Variants in BET1 observed in about 807,000 individuals in gnomAD.
BET1 encodes BET1 homolog.
Under a neutral mutation model 13.9 loss-of-function variants are expected in BET1, and 9 were observed. The ratio of observed to expected loss-of-function variants is 0.65; its 90% CI spans 0.39 to 1.13. BET1 has a LOEUF of 1.13. Among genes scored for constraint, BET1 ranks in the 50% most tolerant of loss-of-function variants. The pLI is 0.01. For synonymous variants in BET1, 39 were observed against 47.3 expected (o/e 0.82, Z 0.72); for missense variants, 127 against 133.6 (o/e 0.95, Z 0.24).
At chr7:93,973,847 A>T (rs1584125971) in intron 5 of BET1, among the ~76,000 whole-genome samples, 1 of 152,090 alleles carries the variant, frequency 6.6e-6, no homozygotes, top group South Asian at 2.1e-4. Context: ...AAATGTATCT[A>T]ACTGTATTAA....
intron 4 of BET1, among the ~76,000 whole-genome samples, chr7:93,986,062 G>T (rs889326614): frequency 2.6e-5 from 4 of 152,060 alleles, no homozygotes; most frequent in African/African-American, 9.7e-5. Flanking sequence ...AAAGTTAATG[G>T]TTAGAAATAA....
intron 4 of BET1, chr7:93,987,183 T>G (rs1213573865): frequency 6.6e-6 from 1 of 152,046 alleles, no homozygotes; most frequent in Non-Finnish European, 1.5e-5. Context: ...TCGACTTGGG[T>G]CAGAGATACT....
intron 4 of BET1, among the ~76,000 whole-genome samples, chr7:93,978,603 T>C (rs1222295201): frequency 1.3e-5 from 2 of 152,228 alleles, no homozygotes; most frequent in Non-Finnish European, 2.9e-5. Flanking sequence ...GCTTCCTTTT[T>C]CTATTTAATA....
chr7:93,965,198 G>A (rs1795154819), exon 7 of BET1: 2 of 152,020 alleles, frequency 1.3e-5, no homozygotes, highest in Non-Finnish European at 2.9e-5. Context: ...TGTACTTTGA[G>A]GAATTACAGA....
At chr7:93,992,996 C>A, downstream of BET1, 11 of 985,106 alleles carry the variant, frequency 1.1e-5, no homozygotes, top group South Asian at 4.7e-5. Flanking sequence ...AAAAATAGAA[C>A]CCAAACTGAC....
chr7:94,002,375 G>T (rs1795924997), intron 1 of BET1, among the ~76,000 whole-genome samples: 1 of 147,274 alleles, frequency 6.8e-6, no homozygotes. Context: ...AAAAGCCTTT[G>T]TCACTTCACA....
intron 4 of BET1, among the ~76,000 whole-genome samples, chr7:93,981,449 G>C (rs930109910): frequency 6.6e-6 from 1 of 152,174 alleles, no homozygotes; most frequent in Non-Finnish European, 1.5e-5. Context: ...TCCAAGTACT[G>C]TTTTGGCCCA....
At chr7:93,984,658 A>T (rs1001637080) in intron 4 of BET1, among the ~76,000 whole-genome samples, 4 of 152,176 alleles carry the variant, frequency 2.6e-5, no homozygotes, top group Non-Finnish European at 5.9e-5. Flanking sequence ...CAGTATGCCT[A>T]CTTGTATAAT....
intron 2 of BET1, among the ~76,000 whole-genome samples, chr7:93,998,012 G>A (rs749615365): frequency 7.2e-5 from 11 of 152,094 alleles, no homozygotes; most frequent in Admixed American, 3.9e-4. Context: ...GAAGTGGGGC[G>A]GATGTGGATA....
At chr7:93,991,847 T>A (rs1795643637), downstream of BET1, 1 of 970,616 alleles carries the variant, frequency 1.0e-6, no homozygotes, top group Non-Finnish European at 1.2e-6. Context: ...ATTGACTGCA[T>A]AAACCCAAAT....
chr7:94,004,246 T>C lies in BET1; in HGVS notation c.-30A>G. The C allele has an allele frequency of 3.1e-6, 5 of 1,613,808 alleles. No individual in the cohort carries two copies. The highest frequency in any genetic ancestry group is 4.2e-6 in the Non-Finnish European group (5 of 1,179,954). Reference sequence around the variant, plus strand: ...CCAGAGGAGAGAGAGAAAAGGCGGGTGCGGGGCTTTGGGTGAGTAGGAAAC... The same window carrying C: ...CCAGAGGAGAGAGAGAAAAGGCGGGCGCGGGGCTTTGGGTGAGTAGGAAAC... On this transcript the variant is annotated 5_prime_UTR_variant, in exon 1 of 4. Transcript: ENST00000222547.
At chr7:93,986,056 T>C (rs1795523346) in intron 4 of BET1, among the ~76,000 whole-genome samples, 1 of 152,146 alleles carries the variant, frequency 6.6e-6, no homozygotes, top group African/African-American at 2.4e-5. Context: ...TCAGCTAAAG[T>C]TAATGGTTAG....
intron 4 of BET1, among the ~76,000 whole-genome samples, chr7:93,982,777 A>G (rs1361056513): frequency 6.6e-6 from 1 of 152,166 alleles, no homozygotes; most frequent in Non-Finnish European, 1.5e-5. Flanking sequence ...TTCTGAACAA[A>G]TAATACAGAA....
exon 5 of BET1, chr7:93,975,953 C>T: frequency 8.0e-7 from 1 of 1,252,072 alleles, no homozygotes; most frequent in Non-Finnish European, 1.0e-6. Context: ...TTTGACATGT[C>T]ATGATATAAT....
In BET1 at chr7:94,004,099, G is replaced by A. The variant is rs1250025796; in HGVS notation, c.19+99C>T. The A allele has an allele frequency of 4.5e-6, 7 of 1,563,086 alleles. No individual in the cohort carries two copies. In the Admixed American group the frequency reaches 1.2e-4, roughly 27 times the overall value. On this transcript the variant is annotated intron_variant, in intron 1 of 3. Transcript: ENST00000222547. ...TCCCCTCTAGACATCCTGTTTTTTGGACCAAATGCCAGGAACATAAGACAG... is the reference window on the plus strand; with the variant it reads ...TCCCCTCTAGACATCCTGTTTTTTGAACCAAATGCCAGGAACATAAGACAG...
rs1795163775 is a variant in BET1, at chr7:93,965,845, AATATTTCTGGTGGATAGTGATAAGAAAAC to A, written c.*138-187_*138-159del. 1.3e-5 allele frequency among the ~76,000 whole-genome samples: 2 copies of A among 152,012 alleles called. 1 individual carries two copies. Among genetic ancestry groups the A allele is most frequent in the South Asian group, 4.1e-4 (2 of 4,826 alleles). On this transcript the variant is annotated intron_variant and NMD_transcript_variant, in intron 6 of 6. Coordinates refer to the BET1 transcript ENST00000357520. Reference sequence around the variant, plus strand: ...GAAGTACTTTATTACCGACATTTAAAATATTTCTGGTGGATAGTGATAAGAAAACAAGATAGACCTTTACTTAGTTTTCT... The same window carrying A: ...GAAGTACTTTATTACCGACATTTAAAAAGATAGACCTTTACTTAGTTTTCT...
At chr7:93,973,443 C>A (rs963713923) in intron 5 of BET1, among the ~76,000 whole-genome samples, 1 of 151,888 alleles carries the variant, frequency 6.6e-6, no homozygotes, top group Non-Finnish European at 1.5e-5. Context: ...ACTTTTTGAA[C>A]TACAAAGTGT....
chr7:93,980,315 A>G (rs1795405674), intron 4 of BET1, among the ~76,000 whole-genome samples: 1 of 152,104 alleles, frequency 6.6e-6, no homozygotes, highest in Non-Finnish European at 1.5e-5. Context: ...CCAAGACACT[A>G]TTTTTTAACA....
chr7:93,983,596 A>T (rs1795468599), intron 4 of BET1, among the ~76,000 whole-genome samples: 1 of 152,130 alleles, frequency 6.6e-6, no homozygotes, highest in African/African-American at 2.4e-5. Flanking sequence ...GTGGGAAAAA[A>T]ATGCTTACAG....
Sources: allele counts gnomAD v4.1 joint callset (sites outside exome capture counted in the v4.1 genomes callset), GRCh38; gene constraint gnomAD v4.1.1; transcripts MANE v1.5; gene names NCBI Gene and HGNC (gene_info 2026-07-23, HGNC 2026-07-21).